The following FER variants were observed in gnomAD, a reference collection of about 807,000 sequenced individuals.
The protein encoded by FER is FER tyrosine kinase.
In FER, 63 loss-of-function variants were observed where a neutral mutation model predicts 111.0. The observed-to-expected ratio is 0.57, with a 90% CI of 0.46 to 0.70. The LOEUF (loss-of-function observed/expected upper bound fraction) is 0.70. Ranked by LOEUF, FER falls within the 30% of genes least tolerant of loss-of-function variation. FER has a pLI of 0.00. For synonymous variants in FER, 327 were observed against 313.9 expected, an observed-to-expected ratio of 1.04 and a Z score of -0.44; for missense variants, 914 against 954.0, an observed-to-expected ratio of 0.96 and a Z score of 0.55.
rs917802003 is a variant in FER at position 108,832,703 on chromosome 5, C to T, written c.208-67C>T. On this transcript the variant is annotated intron_variant, in intron 3 of 19. Coordinates refer to ENST00000281092, the MANE Select transcript of FER (RefSeq NM_005246.4). Reference sequence around the variant, plus strand: ...AAAACTAAATATTTAAAGTTTTGAACTCTTAAAGCACAGCTAAATGGAAAC... The same window carrying T: ...AAAACTAAATATTTAAAGTTTTGAATTCTTAAAGCACAGCTAAATGGAAAC... 11 of 1,168,844 alleles carry T rather than the reference C, an allele frequency of 9.4e-6. No individual in the cohort carries two copies. In the African/African-American group the frequency reaches 1.6e-4, roughly 17 times the overall value. The allele number at this position is 1,168,844 out of a possible 1,614,324, so 72.4% of individuals were successfully genotyped here.
chr5:109,078,486 A>G (rs1776626755), intron 16 of FER, among the ~76,000 whole-genome samples: 1 of 152,150 alleles, frequency 6.6e-6, no homozygotes, highest in African/African-American at 2.4e-5. Context: ...GTCAACCTGG[A>G]TAGATCTGGA....
rs1275069566 is a variant in FER at position 108,929,348 on chromosome 5, G to A, written c.1237-16782G>A. Among the ~76,000 whole-genome samples, 2 of 152,096 alleles carry A rather than the reference G, an allele frequency of 1.3e-5. 1 individual carries two copies. The highest frequency in any genetic ancestry group is 4.1e-4 in the South Asian group (2 of 4,824). On this transcript the variant is annotated intron_variant, in intron 10 of 19. Coordinates refer to ENST00000281092, the MANE Select transcript of FER (RefSeq NM_005246.4). ...TTACTGCTAATCCATTGTAAGTGGT[G>A]CCAGAACAAAGTATAAATACTTTAT...
intron 17 of FER, among the ~76,000 whole-genome samples, chr5:109,170,862 G>C (rs781444817): frequency 2.6e-5 from 4 of 152,120 alleles, no homozygotes; most frequent in Non-Finnish European, 4.4e-5. Context: ...TACCACCTCT[G>C]TGAGGCTAGA....
chr5:108,856,701 T>C (rs1326338265), intron 5 of FER, among the ~76,000 whole-genome samples: 1 of 152,156 alleles, frequency 6.6e-6, no homozygotes, highest in Non-Finnish European at 1.5e-5. Flanking sequence ...ATGAATGCCC[T>C]AAATTTTCTG....
intron 13 of FER, among the ~76,000 whole-genome samples, chr5:109,024,374 C>T (rs1014228594): frequency 1.3e-5 from 2 of 152,146 alleles, no homozygotes; most frequent in African/African-American, 4.8e-5. Flanking sequence ...CATATCTCTT[C>T]TTCATAAGAC....
chr5:108,847,271 T>C (rs1055398795), intron 5 of FER, among the ~76,000 whole-genome samples: 2 of 151,952 alleles, frequency 1.3e-5, no homozygotes, highest in African/African-American at 2.4e-5. Context: ...TTTTCTTTGA[T>C]TCATAGGTTA....
intron 16 of FER, chr5:109,052,327 G>A (rs1581808827): frequency 6.2e-7 from 1 of 1,602,864 alleles, no homozygotes; most frequent in East Asian, 2.2e-5. Context: ...ATCTCCCCAG[G>A]CTGACTCAAC....
intron 10 of FER, among the ~76,000 whole-genome samples, chr5:108,914,216 GCTTAA>G (rs773018540): frequency 1.9e-4 from 28 of 149,750 alleles, no homozygotes; most frequent in Non-Finnish European, 3.3e-4. Context: ...ATGAAAGCAT[GCTTAA>G]CTTGTCTCTC....
At chr5:109,042,951 G>C (rs908717484) in intron 14 of FER, among the ~76,000 whole-genome samples, 1 of 152,160 alleles carries the variant, frequency 6.6e-6, no homozygotes, top group African/African-American at 2.4e-5. Flanking sequence ...TATAATCAAA[G>C]TTTTCTCTAG....
At chr5:109,145,816 A>C (rs1400219142) in intron 17 of FER, among the ~76,000 whole-genome samples, 2 of 151,956 alleles carry the variant, frequency 1.3e-5, no homozygotes, top group African/African-American at 4.8e-5. Flanking sequence ...ATATATGCTA[A>C]TGTGTTTCTA....
rs1758544244 is a variant in FER at position 108,957,247 on chromosome 5, C to T, written c.1534-1978C>T. Reference sequence around the variant, plus strand: ...ATGAATACTGGAAAGCTCATGTACTCATGCATTCATGCATTCAAGACATTG... The same window carrying T: ...ATGAATACTGGAAAGCTCATGTACTTATGCATTCATGCATTCAAGACATTG... On this transcript the variant is annotated intron_variant, in intron 12 of 19. Transcript: ENST00000281092. Among the ~76,000 whole-genome samples, 4 of 151,576 alleles carry T rather than the reference C, an allele frequency of 2.6e-5. 1 individual carries two copies. The highest frequency in any genetic ancestry group is 2.6e-4 in the Admixed American group (4 of 15,176).
intron 9 of FER, among the ~76,000 whole-genome samples, chr5:108,897,256 C>G (rs898803671): frequency 3.3e-5 from 5 of 152,100 alleles, no homozygotes; most frequent in African/African-American, 1.2e-4. Context: ...ATTTATTTTA[C>G]CCTAGGCACA....
intron 17 of FER, among the ~76,000 whole-genome samples, chr5:109,102,207 T>C (rs919853452): frequency 2.0e-5 from 3 of 152,166 alleles, no homozygotes; most frequent in African/African-American, 7.2e-5. Flanking sequence ...AATGTTGTTT[T>C]TCCCACTTTG....
intron 13 of FER, among the ~76,000 whole-genome samples, chr5:109,036,189 G>GT (rs1770369856): frequency 1.3e-5 from 2 of 151,976 alleles, no homozygotes; most frequent in Non-Finnish European, 2.9e-5. Flanking sequence ...TATAGTTAGT[G>GT]TTTTTTTGTG....
intron 8 of FER, among the ~76,000 whole-genome samples, chr5:108,877,771 T>C (rs1161309154): frequency 6.6e-6 from 1 of 151,996 alleles, no homozygotes; most frequent in Non-Finnish European, 1.5e-5. Flanking sequence ...CAAGTCATAA[T>C]TTTTTTTGGA....
At chr5:109,052,524 G>T (rs1581809952) in intron 16 of FER, 3 of 741,190 alleles carry the variant, frequency 4.0e-6, no homozygotes, top group Non-Finnish European at 7.0e-6. Context: ...ACTCCTTGGA[G>T]GATGAAGTAA....
chr5:108,982,201 A>G (rs1762083159), intron 13 of FER, among the ~76,000 whole-genome samples: 1 of 152,068 alleles, frequency 6.6e-6, no homozygotes, highest in Non-Finnish European at 1.5e-5. Context: ...GGTGATTTGG[A>G]TGTTCCCTAA....
chr5:109,007,854 C>T (rs1304029997), intron 13 of FER, among the ~76,000 whole-genome samples: 4 of 152,160 alleles, frequency 2.6e-5, no homozygotes, highest in Non-Finnish European at 5.9e-5. Flanking sequence ...TAAAGTGGCT[C>T]TGCTATTTTG....
chr5:109,056,294 C>A (rs966021181), intron 16 of FER, among the ~76,000 whole-genome samples: 4 of 152,042 alleles, frequency 2.6e-5, no homozygotes, highest in Non-Finnish European at 4.4e-5. Context: ...GTGTTACTCA[C>A]GATAGCCAAG....
Sources: gnomAD v4.1 joint callset for allele counts (sites outside exome capture counted in the v4.1 genomes callset) on GRCh38, gnomAD v4.1.1 for gene constraint, MANE v1.5 for transcripts, NCBI Gene and HGNC (gene_info 2026-07-23, HGNC 2026-07-21) for gene names.